Variants in CLIC5 observed in about 807,000 individuals in gnomAD.
CLIC5 encodes the protein chloride intracellular channel protein 5.
Under a neutral mutation model 24.7 loss-of-function variants are expected in CLIC5, and 20 were observed. The ratio of observed to expected loss-of-function variants is 0.81; its 90% CI spans 0.57 to 1.18. The LOEUF (loss-of-function observed/expected upper bound fraction) is 1.18, where lower values mean the gene tolerates loss of function less well. Ranked by LOEUF, CLIC5 falls within the 50% of genes most tolerant of loss-of-function variation. The pLI is 0.00. For missense variants in CLIC5, 341 were observed against 326.1 expected (o/e 1.05, Z -0.35); for synonymous variants, 159 against 135.6 (o/e 1.17, Z -1.20).
At chr6:45,921,195 T>G (rs1763246220) in intron 4 of CLIC5, among the ~76,000 whole-genome samples, 1 of 152,162 alleles carries the variant, frequency 6.6e-6, no homozygotes, top group African/African-American at 2.4e-5. Flanking sequence ...TCCCTTTGTC[T>G]TTTAAATAAT....
At chr6:45,922,595 A>G (rs965919163) in intron 4 of CLIC5, among the ~76,000 whole-genome samples, 1 of 152,176 alleles carries the variant, frequency 6.6e-6, no homozygotes, top group African/African-American at 2.4e-5. Context: ...AACATTTAGG[A>G]CAACTTTAGC....
At chr6:45,926,415 A>ATT (rs1230203093) in intron 4 of CLIC5, among the ~76,000 whole-genome samples, 5 of 140,840 alleles carry the variant, frequency 3.6e-5, no homozygotes, top group African/African-American at 1.0e-4. Context: ...ACCCGGCTAA[A>ATT]TTTTTTTTTT....
At chr6:46,071,153 G>A (rs1581918611) in intron 1 of CLIC5, among the ~76,000 whole-genome samples, 1 of 152,124 alleles carries the variant, frequency 6.6e-6, no homozygotes, top group Middle Eastern at 3.4e-3. Context: ...TACCATTCTG[G>A]GCATAGAAAC....
At chr6:45,883,933 G>A (rs1178318722) in intron 6 of CLIC5, 1 of 152,282 alleles carries the variant, frequency 6.6e-6, no homozygotes, top group African/African-American at 2.4e-5. Context: ...TGGCAGGCAA[G>A]ATATATTGTG....
At position 45,991,113 on chromosome 6, in the gene CLIC5, G is replaced by A. The variant is rs1233543489; in HGVS notation, c.63+24367C>T. On this transcript the variant is annotated intron_variant, in intron 1 of 5. Coordinates refer to ENST00000339561, the MANE Select transcript of CLIC5 (RefSeq NM_016929.5). ...TTCATGCCTTATATATAATCCCTTC[G>A]AGTGTGAATGGGATCTATGGCTTGT... is the stretch of plus-strand genomic sequence containing the variant. 9.8e-5 allele frequency among the ~76,000 whole-genome samples: 15 copies of A among 152,306 alleles called. 1 individual carries two copies. In the South Asian group the frequency reaches 2.9e-3, roughly 29 times the overall value.
At chr6:46,004,634 C>CGGG (rs1391476046) in intron 1 of CLIC5, among the ~76,000 whole-genome samples, 1 of 152,182 alleles carries the variant, frequency 6.6e-6, no homozygotes, top group African/African-American at 2.4e-5. Flanking sequence ...CAGTGCCTGA[C>CGGG]ATCTGAACAG....
chr6:46,050,049 G>A (rs1168072006), intron 1 of CLIC5, among the ~76,000 whole-genome samples: 4 of 152,112 alleles, frequency 2.6e-5, no homozygotes, highest in Non-Finnish European at 5.9e-5. Context: ...GCCTTAGGAG[G>A]TCCCATCACA....
At chr6:46,026,895 C>G (rs1157397226) in intron 1 of CLIC5, among the ~76,000 whole-genome samples, 1 of 152,018 alleles carries the variant, frequency 6.6e-6, no homozygotes, top group African/African-American at 2.4e-5. Flanking sequence ...TTTGAATAAC[C>G]AGAAGACGAG....
chr6:45,967,748 G>C (rs1378546398), intron 1 of CLIC5, among the ~76,000 whole-genome samples: 1 of 152,100 alleles, frequency 6.6e-6, no homozygotes. Flanking sequence ...ATAGTGGAAA[G>C]CAAAATGGGA....
In CLIC5 at chr6:46,021,088, C is replaced by CAA. The variant is rs61574485; in HGVS notation, c.540+58613_540+58614dup. Among the ~76,000 whole-genome samples the CAA allele has an allele frequency of 3.4e-3, 246 of 71,626 alleles. 1 individual carries two copies. Among genetic ancestry groups the CAA allele is most frequent in the East Asian group, 0.028 (56 of 2,012 alleles). 47.0% of individuals were successfully genotyped at this position (71,626 alleles called of 152,430 possible). Reference sequence around the variant, plus strand: ...GGATTTGTAAAGAATTTTTACAACTCAAAAAAAAAAAAAAAAAAAAACCCA... The same window carrying CAA: ...GGATTTGTAAAGAATTTTTACAACTCAAAAAAAAAAAAAAAAAAAAAAACCCA... On this transcript the variant is annotated intron_variant, in intron 1 of 5. Coordinates refer to the CLIC5 transcript ENST00000185206.
intron 4 of CLIC5, among the ~76,000 whole-genome samples, chr6:45,917,627 A>G (rs1763081342): frequency 6.6e-6 from 1 of 152,216 alleles, no homozygotes; most frequent in African/African-American, 2.4e-5. Context: ...AATAGACACA[A>G]CATGCCTGTG....
chr6:45,964,951 T>C (rs140569820), intron 1 of CLIC5, among the ~76,000 whole-genome samples: 35 of 152,312 alleles, frequency 2.3e-4, no homozygotes, highest in African/African-American at 6.5e-4. Context: ...ACTTTATACA[T>C]TTACAGCTAC....
chr6:45,932,426 G>A (rs1763772982), intron 4 of CLIC5, among the ~76,000 whole-genome samples: 1 of 152,242 alleles, frequency 6.6e-6, no homozygotes. Flanking sequence ...ACTTTCTAAT[G>A]TTGAGCTGAA....
chr6:45,912,503 G>C, intron 5 of CLIC5: 1 of 1,347,146 alleles, frequency 7.4e-7, no homozygotes. Flanking sequence ...AAGAGAAAAG[G>C]AAAGAAGGAG....
At chr6:45,890,674 G>A (rs184685984) in intron 6 of CLIC5, among the ~76,000 whole-genome samples, 102 of 152,190 alleles carry the variant, frequency 6.7e-4, no homozygotes, top group African/African-American at 9.9e-4. Flanking sequence ...GACCCGAATC[G>A]ACAAACGAAT....
intron 1 of CLIC5, among the ~76,000 whole-genome samples, chr6:46,047,829 A>G (rs1346504104): frequency 4.4e-5 from 4 of 90,176 alleles, no homozygotes; most frequent in Non-Finnish European, 9.2e-5. Flanking sequence ...TTCAAAGTGT[A>G]TGTTTCAAAA....
chr6:45,880,940 T>G (rs1762257568), downstream of CLIC5: 1 of 390,720 alleles, frequency 2.6e-6, no homozygotes. Context: ...AGACATGAAC[T>G]GCTAGCTTCA....
chr6:46,051,301 G>A (rs1768095731), intron 1 of CLIC5, among the ~76,000 whole-genome samples: 1 of 152,192 alleles, frequency 6.6e-6, no homozygotes. Context: ...AGACCTGCTT[G>A]CTAGCACAAT....
intron 1 of CLIC5, among the ~76,000 whole-genome samples, chr6:46,001,426 T>C (rs1387146684): frequency 3.9e-5 from 6 of 152,166 alleles, no homozygotes; most frequent in Non-Finnish European, 8.8e-5. Flanking sequence ...CCCAACTTCT[T>C]CCCTGGCTGT....
Sources: gnomAD v4.1 joint callset for allele counts (sites outside exome capture counted in the v4.1 genomes callset) on GRCh38, gnomAD v4.1.1 for gene constraint, MANE v1.5 for transcripts, NCBI Gene and HGNC (gene_info 2026-07-23, HGNC 2026-07-21) for gene names.